The following C12orf54 variants were observed in gnomAD, a reference collection of about 807,000 sequenced individuals.
C12orf54 encodes uncharacterized protein C12orf54.
C12orf54 carries 24 observed loss-of-function variants against 26.4 expected under a neutral mutation model. The ratio of observed to expected loss-of-function variants is 0.91; its 90% confidence interval spans 0.66 to 1.28. The LOEUF (loss-of-function observed/expected upper bound fraction) is 1.28. C12orf54 is among the 50% of genes most tolerant of loss of function. C12orf54 has a pLI of 0.00. For synonymous variants in C12orf54, 54 were observed against 47.0 expected (o/e 1.15, Z -0.61); for missense variants, 154 against 150.9 (o/e 1.02, Z -0.11).
At chr12:48,455,802 A>AT in the C12orf54 span, among the ~76,000 whole-genome samples, 1 of 152,214 alleles carries the variant, frequency 6.6e-6, no homozygotes, top group African/African-American at 2.4e-5. Context: ...CACATAAATG[A>AT]TCAAAATCTG....
At chr12:48,432,436 T>G in the C12orf54 span, among the ~76,000 whole-genome samples, 3 of 152,340 alleles carry the variant, frequency 2.0e-5, no homozygotes, top group Admixed American at 6.5e-5. Flanking sequence ...AGAACTCTCT[T>G]AATAACTTAA....
the C12orf54 span, among the ~76,000 whole-genome samples, chr12:48,434,652 G>C: frequency 3.9e-5 from 6 of 152,248 alleles, no homozygotes; most frequent in Admixed American, 1.3e-4. Context: ...AGGCAAACAG[G>C]GTCTGGAGTG....
chr12:48,438,186 T>C, the C12orf54 span, among the ~76,000 whole-genome samples: 7 of 152,214 alleles, frequency 4.6e-5, no homozygotes, highest in South Asian at 2.1e-4. Flanking sequence ...CCTAGGAATC[T>C]AACTTACAAG....
the C12orf54 span, among the ~76,000 whole-genome samples, chr12:48,469,629 A>G: frequency 7.9e-5 from 12 of 152,368 alleles, no homozygotes; most frequent in Admixed American, 5.2e-4. Flanking sequence ...TAAAGTAAAG[A>G]CAGGCATAGG....
At position 48,495,968 on chromosome 12, in the gene C12orf54, A is replaced by T. The variant is rs7139168; in HGVS notation, c.*41-213A>T. On this transcript the variant is annotated intron_variant, in intron 8 of 8. Coordinates refer to ENST00000548364, the MANE Select transcript of C12orf54 (RefSeq NM_152319.4). ...ATAGACAGCAAGTGTAGGACAGCAAAATTCCTGATGTGGAAACTACACAGA... is the reference window on the plus strand; with the variant it reads ...ATAGACAGCAAGTGTAGGACAGCAATATTCCTGATGTGGAAACTACACAGA... Among the ~76,000 whole-genome samples, 862 of 152,200 alleles carry T rather than the reference A, an allele frequency of 5.7e-3. 8 individuals are homozygous for T. The highest frequency in any genetic ancestry group is 0.02 in the African/African-American group (823 of 41,538).
At chr12:48,494,651 C>A in intron 7 of C12orf54, 147 bp from the exon 8 acceptor site, 1 of 812,374 alleles carries the variant, frequency 1.2e-6, no homozygotes, top group Non-Finnish European at 1.9e-6. Context: ...ATGCATCCAT[C>A]AGGAAATTGC....
the C12orf54 span, among the ~76,000 whole-genome samples, chr12:48,476,208 C>T: frequency 6.6e-6 from 1 of 152,158 alleles, no homozygotes. Context: ...GAGATTTTGT[C>T]ACCACCAGGC....
chr12:48,444,307 G>A, the C12orf54 span, among the ~76,000 whole-genome samples: 1 of 152,166 alleles, frequency 6.6e-6, no homozygotes. Flanking sequence ...AGAAGATGCT[G>A]GAAAGTCAGG....
At chr12:48,452,076 T>C in the C12orf54 span, among the ~76,000 whole-genome samples, 1 of 152,140 alleles carries the variant, frequency 6.6e-6, no homozygotes, top group South Asian at 2.1e-4. Flanking sequence ...TCTACCCAAA[T>C]TCAAACTATA....
the C12orf54 span, among the ~76,000 whole-genome samples, chr12:48,476,284 C>A: frequency 1.3e-5 from 2 of 152,196 alleles, no homozygotes; most frequent in Non-Finnish European, 2.9e-5. Flanking sequence ...CCAGTCACTG[C>A]AAAAACATGC....
At chr12:48,435,186 T>G in the C12orf54 span, among the ~76,000 whole-genome samples, 1 of 151,698 alleles carries the variant, frequency 6.6e-6, no homozygotes, top group Non-Finnish European at 1.5e-5. Flanking sequence ...ATGAATGAAA[T>G]GAAGTGTGAA....
intron 4 of C12orf54, chr12:48,488,156 T>C (rs1218265966): frequency 2.6e-6 from 2 of 759,748 alleles, no homozygotes; most frequent in Non-Finnish European, 4.9e-6. Context: ...ACTGGAACCT[T>C]ATGAATGAGG....
At chr12:48,434,327 C>T in the C12orf54 span, among the ~76,000 whole-genome samples, 3 of 152,222 alleles carry the variant, frequency 2.0e-5, no homozygotes, top group African/African-American at 7.2e-5. Flanking sequence ...GTAGGCTCCA[C>T]CTCTGGGGGC....
chr12:48,428,091 C>T, the C12orf54 span, among the ~76,000 whole-genome samples: 1 of 151,974 alleles, frequency 6.6e-6, no homozygotes, highest in Non-Finnish European at 1.5e-5. Flanking sequence ...AAAATGAAAT[C>T]AAGATGGAAA....
the C12orf54 span, among the ~76,000 whole-genome samples, chr12:48,425,590 C>T: frequency 7.2e-5 from 11 of 152,146 alleles, no homozygotes; most frequent in Admixed American, 3.3e-4. Context: ...TGGGTATATA[C>T]CCAGTAGTGG....
At chr12:48,441,999 A>G in the C12orf54 span, 1 of 152,334 alleles carries the variant, frequency 6.6e-6, no homozygotes, top group Non-Finnish European at 1.5e-5. Flanking sequence ...CAGTTCCCTC[A>G]TCATTCTGAT....
the C12orf54 span, among the ~76,000 whole-genome samples, chr12:48,433,212 G>A: frequency 9.2e-5 from 14 of 152,268 alleles, no homozygotes; most frequent in South Asian, 2.1e-4. Context: ...AAATGTTGCC[G>A]TTTGCATAAC....
the C12orf54 span, among the ~76,000 whole-genome samples, chr12:48,437,320 G>T: frequency 2.6e-5 from 4 of 152,304 alleles, no homozygotes; most frequent in Admixed American, 2.0e-4. Flanking sequence ...TCTACCAGAA[G>T]TACAAGAAGG....
At chr12:48,487,538 T>G (rs1468105476) in intron 4 of C12orf54, among the ~76,000 whole-genome samples, 1 of 152,240 alleles carries the variant, frequency 6.6e-6, no homozygotes, top group Non-Finnish European at 1.5e-5. Flanking sequence ...CTATTTCATG[T>G]TCTTACAATT....
Sources: allele counts gnomAD v4.1 joint callset (sites outside exome capture counted in the v4.1 genomes callset), GRCh38; gene constraint gnomAD v4.1.1; transcripts MANE v1.5; gene names NCBI Gene and HGNC (gene_info 2026-07-23, HGNC 2026-07-21).